The following NUP50 variants were observed in gnomAD, a reference collection of about 807,000 sequenced individuals.
NUP50 encodes the protein nucleoporin 50, also known as nuclear pore complex protein Nup50.
A neutral mutation model predicts 36.8 loss-of-function variants in NUP50; 14 were observed. The observed-to-expected ratio is 0.38, with a 90% CI of 0.25 to 0.59. The LOEUF is 0.59. Among genes scored for constraint, NUP50 ranks in the 20% least tolerant of loss-of-function variants. The pLI is 0.63. For missense variants in NUP50, 455 were observed against 564.6 expected, an observed-to-expected ratio of 0.81 and a Z score of 1.97; for synonymous variants, 195 against 210.8, an observed-to-expected ratio of 0.93 and a Z score of 0.65.
At position 45,169,394 on chromosome 22, in the gene NUP50, G is replaced by A. The variant is rs1300879221; in HGVS notation, c.69+1148G>A. On this transcript the variant is annotated intron_variant, in intron 2 of 7. Coordinates refer to ENST00000347635, the MANE Select transcript of NUP50 (RefSeq NM_007172.4). Reference sequence around the variant, plus strand: ...AAAAAACAAAGAATAAAACACAGCTGTACTTATAGGATGTGGGCGAAGGAT... The same window carrying A: ...AAAAAACAAAGAATAAAACACAGCTATACTTATAGGATGTGGGCGAAGGAT... 2.0e-5 allele frequency among the ~76,000 whole-genome samples: 3 copies of A among 152,148 alleles called. No homozygotes were observed. In the East Asian group the frequency reaches 5.8e-4, roughly 29 times the overall value.
rs983125512 is a variant in NUP50 at position 45,185,722 on chromosome 22, A to G, written c.*1067A>G. Reference sequence around the variant, plus strand: ...TTTACTTTTTTAAGAGTAAGATTCCATATGTCTGTCTGGAAGGGAGCCATG... The same window carrying G: ...TTTACTTTTTTAAGAGTAAGATTCCGTATGTCTGTCTGGAAGGGAGCCATG... On this transcript the variant is annotated 3_prime_UTR_variant, in exon 8 of 8. Coordinates refer to ENST00000347635, the MANE Select transcript of NUP50 (RefSeq NM_007172.4). 6.6e-6 allele frequency: 1 copy of G among 152,206 alleles called. No individual in the cohort carries two copies. The highest frequency in any genetic ancestry group is 2.4e-5 in the African/African-American group (1 of 41,450). 9.4% of individuals were successfully genotyped at this position (152,206 alleles called of 1,614,324 possible).
At chr22:45,172,027 T>C (rs573849808) in intron 3 of NUP50, 24 of 220,598 alleles carry the variant, frequency 1.1e-4, no homozygotes, top group Admixed American at 2.0e-4. Context: ...CTCCCTGCGA[T>C]TGAGGCCTTG....
At chr22:45,173,337 TG>T (rs1003071171) in intron 3 of NUP50, among the ~76,000 whole-genome samples, 11 of 141,102 alleles carry the variant, frequency 7.8e-5, no homozygotes, top group African/African-American at 2.5e-4. Context: ...GAACTTCAGG[TG>T]TTTTTTTTTT....
At chr22:45,164,924 T>G (rs2074071470) in intron 1 of NUP50, 1 of 152,276 alleles carries the variant, frequency 6.6e-6, no homozygotes, top group African/African-American at 2.4e-5. Context: ...ACCCATTTGC[T>G]CGGTTCCATT....
intron 7 of NUP50, 60 bp downstream of exon 7, chr22:45,183,580 C>T (rs776812227): frequency 1.5e-5 from 16 of 1,039,498 alleles, no homozygotes; most frequent in Non-Finnish European, 2.4e-5. Flanking sequence ...AAAGCGTTTA[C>T]CCTGCTGACT....
intron 1 of NUP50, among the ~76,000 whole-genome samples, chr22:45,167,508 C>G (rs980153811): frequency 6.6e-6 from 1 of 152,128 alleles, no homozygotes; most frequent in African/African-American, 2.4e-5. Context: ...AGAGTTAAGC[C>G]AATGATTTGT....
At chr22:45,181,642 C>T (rs1283710214) in intron 6 of NUP50, among the ~76,000 whole-genome samples, 1 of 152,170 alleles carries the variant, frequency 6.6e-6, no homozygotes, top group African/African-American at 2.4e-5. Context: ...AACCCCATCC[C>T]ATCCCATCCC....
At chr22:45,184,069 C>T (rs769823173) in intron 7 of NUP50, 3 of 236,812 alleles carry the variant, frequency 1.3e-5, no homozygotes, top group African/African-American at 4.6e-5. Context: ...GGAGCTGTGC[C>T]GGCCTGTGAC....
chr22:45,184,591 G>A lies in NUP50; in HGVS notation c.1343G>A (p.Arg448Gln), dbSNP rs201334547. The change falls in exon 8 of 8, where the codon CGG becomes CAG. Residue 448 changes from arginine (R) to glutamine (Q), a missense_variant. Arg to Gln is a conservative substitution (Grantham distance 43). This residue lies in a region of NUP50 where 287 missense variants were observed against 345.5 expected (regional missense o/e 0.83). Coordinates refer to ENST00000347635, the MANE Select transcript of NUP50 (RefSeq NM_007172.4). Reference protein sequence around the residue: ...NATMPVTMLIRVKTSEDADEL... With the variant: ...NATMPVTMLIQVKTSEDADEL... ...ACCATGCCAGTCACCATGTTGATTCGGGTAAAAACCAGCGAGGATGCAGAC... is the reference window on the plus strand; with the variant it reads ...ACCATGCCAGTCACCATGTTGATTCAGGTAAAAACCAGCGAGGATGCAGAC... The A allele has an allele frequency of 5.6e-6, 9 of 1,612,780 alleles. No individual in the cohort carries two copies. Among genetic ancestry groups the A allele is most frequent in the East Asian group, 4.5e-5 (2 of 44,866 alleles).
In NUP50 at chr22:45,176,942, A is replaced by G. The variant is rs570255316; in HGVS notation, c.340+862A>G. ...ATTTTAGTAGAGACGGGGTTTCACC[A>G]TGTTGGCCAGGATGGTCTTGATCTC... is the stretch of plus-strand genomic sequence containing the variant. On this transcript the variant is annotated intron_variant, in intron 4 of 7. Transcript: ENST00000347635. 4.6e-5 allele frequency among the ~76,000 whole-genome samples: 7 copies of G among 152,170 alleles called. No individual in the cohort carries two copies. In the South Asian group the frequency reaches 1.2e-3, roughly 27 times the overall value.
At chr22:45,183,639 T>A (rs2074418753) in intron 7 of NUP50, 119 bp downstream of exon 7, 3 of 712,054 alleles carry the variant, frequency 4.2e-6, no homozygotes, top group South Asian at 3.2e-5. Flanking sequence ...GCCAAATTCA[T>A]CCTGTATTTA....
intron 3 of NUP50, 71 bp from the exon 4 acceptor site, chr22:45,175,823 G>A (rs2147684997): frequency 6.6e-7 from 1 of 1,504,480 alleles, no homozygotes. Context: ...CCAAGATGCT[G>A]TTGTCACTCA....
chr22:45,170,033 A>G (rs1310103784), intron 2 of NUP50, among the ~76,000 whole-genome samples: 1 of 152,182 alleles, frequency 6.6e-6, no homozygotes, highest in African/African-American at 2.4e-5. Flanking sequence ...GATCTTTCTG[A>G]TAAGTGCATA....
intron 3 of NUP50, among the ~76,000 whole-genome samples, chr22:45,173,559 G>A (rs962477217): frequency 2.6e-5 from 4 of 152,224 alleles, no homozygotes; most frequent in Admixed American, 2.0e-4. Flanking sequence ...AGACCACTAG[G>A]TATACAACAG....
chr22:45,172,299 C>G (rs1005773519), intron 3 of NUP50: 1 of 152,124 alleles, frequency 6.6e-6, no homozygotes, highest in African/African-American at 2.4e-5. Flanking sequence ...GCAGGAGATG[C>G]CGCTTTGAAT....
chr22:45,185,809 C>G lies in NUP50; in HGVS notation c.*1154C>G, dbSNP rs1476759291. On this transcript the variant is annotated 3_prime_UTR_variant, in exon 8 of 8. Transcript: ENST00000347635. The stretch of plus-strand genomic sequence containing the variant: ...GTGTCAGGTAACTAACACGAGCATT[C>G]TTTGAAGACTCTGGGCACATGAATG... 6.6e-6 allele frequency: 1 copy of G among 152,102 alleles called. No homozygotes were observed. Among genetic ancestry groups the G allele is most frequent in the African/African-American group, 2.4e-5 (1 of 41,390 alleles). The allele number at this position is 152,102 out of a possible 1,614,324, so 9.4% of individuals were successfully genotyped here.
At chr22:45,178,938 A>G (rs745383688) in intron 5 of NUP50, 38 bp downstream of exon 5, 2 of 1,556,002 alleles carry the variant, frequency 1.3e-6, no homozygotes, top group Admixed American at 2.0e-5. Flanking sequence ...AGGTTTGCAT[A>G]AGATTCTTGT....
chr22:45,170,330 T>A (rs1213259128), intron 2 of NUP50, among the ~76,000 whole-genome samples: 1 of 143,896 alleles, frequency 6.9e-6, no homozygotes, highest in Non-Finnish European at 1.5e-5. Context: ...GTTTCCCCCT[T>A]CGAGGAGAAC....
At chr22:45,183,565 A>G (rs779183174) in intron 7 of NUP50, 45 bp downstream of exon 7, 1 of 1,221,068 alleles carries the variant, frequency 8.2e-7, no homozygotes, top group Middle Eastern at 1.9e-4. Context: ...ATCACATAGT[A>G]TATAAAAGCG....
Sources: gnomAD v4.1 joint callset for allele counts (sites outside exome capture counted in the v4.1 genomes callset) on GRCh38, gnomAD v4.1.1 for gene constraint, gnomAD v4.1.1 regional missense constraint, MANE v1.5 for transcripts, NCBI Gene and HGNC (gene_info 2026-07-23, HGNC 2026-07-21) for gene names.